Variants in CNOT6L observed in about 807,000 individuals in gnomAD.
CNOT6L encodes CCR4-NOT transcription complex subunit 6 like, also known as CCR4-NOT transcription complex subunit 6-like.
CNOT6L carries 7 observed loss-of-function variants against 64.0 expected under a neutral mutation model. The ratio of observed to expected loss-of-function variants is 0.11; its 90% confidence interval spans 0.06 to 0.21. The LOEUF (loss-of-function observed/expected upper bound fraction) is 0.21. Ranked by LOEUF, CNOT6L falls within the 10% of genes least tolerant of loss-of-function variation. The pLI, the probability that CNOT6L is intolerant of heterozygous loss-of-function variation, is 1.00. For missense variants in CNOT6L, 245 were observed against 669.0 expected, an observed-to-expected ratio of 0.37 and a Z score of 6.99; for synonymous variants, 193 against 243.4, an observed-to-expected ratio of 0.79 and a Z score of 1.93.
At chr4:77,799,688 G>T (rs190672086) in intron 1 of CNOT6L, among the ~76,000 whole-genome samples, 1 of 128,430 alleles carries the variant, frequency 7.8e-6, no homozygotes, top group South Asian at 2.5e-4. Flanking sequence ...TAGGTGAGGG[G>T]AGTGAAACTC....
chr4:77,790,178 G>A (rs1729962981), intron 1 of CNOT6L, among the ~76,000 whole-genome samples: 1 of 151,914 alleles, frequency 6.6e-6, no homozygotes, highest in Admixed American at 6.6e-5. Context: ...TTTTCAGATT[G>A]GGTTCTTTCA....
intron 5 of CNOT6L, among the ~76,000 whole-genome samples, chr4:77,755,288 TG>T (rs2109994646): frequency 8.1e-6 from 1 of 124,068 alleles, no homozygotes; most frequent in East Asian, 2.7e-4. Context: ...TCGCCCAGGC[TG>T]GAGTGCAGTG....
At chr4:77,818,769 C>A (rs1043074659) in intron 1 of CNOT6L, among the ~76,000 whole-genome samples, 1 of 151,968 alleles carries the variant, frequency 6.6e-6, no homozygotes, top group Admixed American at 6.5e-5. Context: ...GCGGGCTCGC[C>A]GTCCCGGGAG....
At chr4:77,750,276 A>T (rs559901573) in intron 5 of CNOT6L, among the ~76,000 whole-genome samples, 2 of 152,332 alleles carry the variant, frequency 1.3e-5, no homozygotes, top group African/African-American at 4.8e-5. Flanking sequence ...GTAATGATTA[A>T]AAGAAATTTT....
chr4:77,790,623 T>C (rs528485100), intron 1 of CNOT6L, among the ~76,000 whole-genome samples: 55 of 152,254 alleles, frequency 3.6e-4, no homozygotes, highest in Non-Finnish European at 5.4e-4. Context: ...TGGTATCTCA[T>C]TGTTGTTTAC....
intron 1 of CNOT6L, among the ~76,000 whole-genome samples, chr4:77,809,703 G>T (rs184801222): frequency 6.6e-6 from 1 of 152,120 alleles, no homozygotes; most frequent in East Asian, 1.9e-4. Flanking sequence ...ACTAAATTTA[G>T]TTCTATTCTT....
rs1320945727 is a variant in CNOT6L at position 77,774,580 on chromosome 4, G to A, written c.264C>T (p.Ser88=). The A allele has an allele frequency of 5.0e-6, 8 of 1,613,264 alleles. No individual in the cohort carries two copies. Among genetic ancestry groups the A allele is most frequent in the East Asian group, 4.5e-5 (2 of 44,834 alleles). ...LHNLVYLDLS[S]NKLRSLPAEL... Reference sequence around the variant, plus strand: ...CTGCTGGTAAACTTCTGAGTTTATTGGATGACAGATCCAGGTAAACCAGAT... The same window carrying A: ...CTGCTGGTAAACTTCTGAGTTTATTAGATGACAGATCCAGGTAAACCAGAT... Residue 88 remains serine (S), a synonymous_variant, in exon 3 of 12, where the codon TCC becomes TCT. Coordinates refer to ENST00000504123, the MANE Select transcript of CNOT6L (RefSeq NM_144571.3).
At chr4:77,797,647 T>C (rs1341139218) in intron 1 of CNOT6L, among the ~76,000 whole-genome samples, 1 of 152,104 alleles carries the variant, frequency 6.6e-6, no homozygotes, top group Non-Finnish European at 1.5e-5. Flanking sequence ...TTAAGTGAAA[T>C]GGTGAAAATT....
chr4:77,817,273 A>G (rs999372349), intron 1 of CNOT6L, among the ~76,000 whole-genome samples: 1 of 152,176 alleles, frequency 6.6e-6, no homozygotes, highest in African/African-American at 2.4e-5. Context: ...TATTTTAATG[A>G]CTATTTTTAT....
intron 7 of CNOT6L, among the ~76,000 whole-genome samples, chr4:77,743,250 T>C (rs1723791754): frequency 6.6e-6 from 1 of 152,134 alleles, no homozygotes. Context: ...TATAGTATTA[T>C]AGCATTGCTT....
intron 1 of CNOT6L, among the ~76,000 whole-genome samples, chr4:77,802,371 T>C (rs1731685602): frequency 6.6e-6 from 1 of 152,226 alleles, no homozygotes. Flanking sequence ...CCTTTAGGTA[T>C]GTTATATAGG....
chr4:77,736,717 A>G (rs553517918), intron 8 of CNOT6L, among the ~76,000 whole-genome samples: 2 of 152,306 alleles, frequency 1.3e-5, no homozygotes, highest in African/African-American at 4.8e-5. Context: ...CTCTTTCGAT[A>G]CATTAGTTTA....
chr4:77,815,105 A>G (rs17002814), intron 1 of CNOT6L, among the ~76,000 whole-genome samples: 2,775 of 152,340 alleles, frequency 0.018, 80 homozygotes, highest in African/African-American at 0.064. Flanking sequence ...GATTTCCCTC[A>G]AAGTATAAAG....
chr4:77,801,398 A>G (rs1448655348), intron 1 of CNOT6L, among the ~76,000 whole-genome samples: 1 of 152,158 alleles, frequency 6.6e-6, no homozygotes. Context: ...GTCACAGAGG[A>G]GCTAATTTCC....
At chr4:77,806,292 G>A (rs1482089382) in intron 1 of CNOT6L, among the ~76,000 whole-genome samples, 1 of 152,110 alleles carries the variant, frequency 6.6e-6, no homozygotes, top group Non-Finnish European at 1.5e-5. Flanking sequence ...GGGCGTGGTG[G>A]CGCATGCCTG....
rs754873499 is a variant in CNOT6L, at chr4:77,744,889, G to A, written c.560-14C>T. 6.3e-7 allele frequency: 1 copy of A among 1,577,020 alleles called. No homozygotes were observed. The highest frequency in any genetic ancestry group is 2.0e-5 in the Admixed American group (1 of 51,104). On this transcript the variant is annotated splice_polypyrimidine_tract_variant and intron_variant, in intron 6 of 11. Coordinates refer to ENST00000504123, the MANE Select transcript of CNOT6L (RefSeq NM_144571.3). The stretch of plus-strand genomic sequence containing the variant: ...CCGTGAATGATGCTAAGAAGTGGGA[G>A]AAAAAACAACAGACAAACGGGAGAA...
upstream of CNOT6L, chr4:77,819,392 C>T: frequency 7.5e-6 from 12 of 1,607,384 alleles, no homozygotes; most frequent in South Asian, 5.5e-5. Context: ...CGCGCGCGCA[C>T]CAGGCCCCCA....
At chr4:77,733,187 T>C (rs1031977556) in intron 8 of CNOT6L, among the ~76,000 whole-genome samples, 1 of 152,160 alleles carries the variant, frequency 6.6e-6, no homozygotes, top group Admixed American at 6.5e-5. Context: ...ACAAGCAACC[T>C]ATTTTGATGA....
chr4:77,754,888 TAAAAAAAAA>T, intron 5 of CNOT6L, among the ~76,000 whole-genome samples: 6,977 of 37,214 alleles, frequency 0.19, 589 homozygotes, highest in Middle Eastern at 0.35. Flanking sequence ...ACATTAGAAG[TAAAAAAAAA>T]AAAAAAAAAA....
Sources: allele counts gnomAD v4.1 joint callset (sites outside exome capture counted in the v4.1 genomes callset), GRCh38; gene constraint gnomAD v4.1.1; transcripts MANE v1.5; gene names NCBI Gene and HGNC (gene_info 2026-07-23, HGNC 2026-07-21).